Variants in WDR12 observed in about 807,000 individuals in gnomAD.
The protein encoded by WDR12 is ribosome biogenesis protein WDR12.
A neutral mutation model predicts 64.3 loss-of-function variants in WDR12; 42 were observed. The observed-to-expected ratio is 0.65, with a 90% CI of 0.51 to 0.84. The LOEUF (loss-of-function observed/expected upper bound fraction) is 0.84. Among genes scored for constraint, WDR12 ranks in the 40% least tolerant of loss-of-function variants. The pLI is 0.00. For missense variants in WDR12, 469 were observed against 494.6 expected, an observed-to-expected ratio of 0.95 and a Z score of 0.49; for synonymous variants, 158 against 173.3, an observed-to-expected ratio of 0.91 and a Z score of 0.70.
chr2:202,901,024 C>A lies in WDR12; in HGVS notation c.231+1G>T. The stretch of plus-strand genomic sequence containing the variant: ...TACAGAAGATAAGAATTTGAACTTA[C>A]TGATGAGATGTTCTCCATTTCCATG... On this transcript the variant is annotated splice_donor_variant, in intron 3 of 12. Coordinates refer to ENST00000261015, the MANE Select transcript of WDR12 (RefSeq NM_018256.4). LOFTEE classifies it high-confidence loss of function. 1 of 1,579,500 alleles carries A rather than the reference C, an allele frequency of 6.3e-7. No homozygotes were observed. Among genetic ancestry groups the A allele is most frequent in the Non-Finnish European group, 8.6e-7 (1 of 1,156,732 alleles).
At chr2:202,899,080 T>C (rs1688303770) in intron 4 of WDR12, among the ~76,000 whole-genome samples, 1 of 127,946 alleles carries the variant, frequency 7.8e-6, no homozygotes, top group African/African-American at 2.8e-5. Context: ...TCTCATTCTG[T>C]TGCCCAGGCT....
intron 7 of WDR12, among the ~76,000 whole-genome samples, 158 bp downstream of exon 7, chr2:202,894,423 T>C (rs919441456): frequency 6.6e-6 from 1 of 152,208 alleles, no homozygotes; most frequent in African/African-American, 2.4e-5. Flanking sequence ...GGTCTCACTA[T>C]GTGGCCTAGG....
At chr2:202,883,524 G>C in intron 11 of WDR12, 85 bp downstream of exon 11, 1 of 1,423,852 alleles carries the variant, frequency 7.0e-7, no homozygotes, top group Non-Finnish European at 9.4e-7. Context: ...TACTCTTCTG[G>C]TTTTAGATAA....
At chr2:202,904,371 C>A (rs970272693) in intron 2 of WDR12, among the ~76,000 whole-genome samples, 3 of 151,538 alleles carry the variant, frequency 2.0e-5, no homozygotes, top group Non-Finnish European at 4.4e-5. Context: ...CACAAAAGAA[C>A]CAGAATAGCC....
chr2:202,903,375 C>A (rs1034687178), intron 2 of WDR12, among the ~76,000 whole-genome samples: 2 of 151,842 alleles, frequency 1.3e-5, no homozygotes, highest in East Asian at 3.9e-4. Flanking sequence ...ACATCTGGAA[C>A]ATGATAAGGA....
chr2:202,895,700 T>C (rs1178269986), intron 6 of WDR12, among the ~76,000 whole-genome samples: 1 of 149,956 alleles, frequency 6.7e-6, no homozygotes, highest in Non-Finnish European at 1.5e-5. Context: ...TTTTTTTTTT[T>C]TTTTTTTTTA....
intron 2 of WDR12, among the ~76,000 whole-genome samples, chr2:202,907,140 G>T (rs1173360608): frequency 6.6e-6 from 1 of 151,940 alleles, no homozygotes; most frequent in Admixed American, 6.6e-5. Flanking sequence ...GTAGAGACGG[G>T]GTTTCACCAT....
chr2:202,901,976 G>GAT (rs1324115678), intron 2 of WDR12, among the ~76,000 whole-genome samples: 1 of 152,084 alleles, frequency 6.6e-6, no homozygotes, highest in African/African-American at 2.4e-5. Flanking sequence ...ATAGGGCTTG[G>GAT]ATTATATCAG....
chr2:202,897,489 C>CA, intron 4 of WDR12, 74 bp from the exon 5 acceptor site: 2 of 765,752 alleles, frequency 2.6e-6, no homozygotes, highest in East Asian at 5.7e-5. Flanking sequence ...TTGGCAATGA[C>CA]AAAGTAACTT....
chr2:202,896,023 A>G (rs947812935), intron 6 of WDR12, 42 bp downstream of exon 6: 7 of 1,586,532 alleles, frequency 4.4e-6, no homozygotes, highest in Non-Finnish European at 6.0e-6. Flanking sequence ...ACAAGCTCAA[A>G]TTCAAATTTA....
intron 4 of WDR12, among the ~76,000 whole-genome samples, chr2:202,899,009 G>A (rs1559162585): frequency 7.5e-6 from 1 of 133,920 alleles, no homozygotes; most frequent in African/African-American, 2.8e-5. Context: ...CAGAAAAAGA[G>A]TACCTATTAA....
chr2:202,892,912 A>G (rs1296545112), intron 7 of WDR12, among the ~76,000 whole-genome samples: 1 of 152,168 alleles, frequency 6.6e-6, no homozygotes, highest in African/African-American at 2.4e-5. Flanking sequence ...AACATAAACT[A>G]TATTAGAAAA....
In WDR12 at chr2:202,879,775, A is replaced by G. The variant is rs1051949667; in HGVS notation, c.*1085T>C. 1 of 145,320 alleles carries G rather than the reference A, an allele frequency of 6.9e-6. No individual in the cohort carries two copies. Among genetic ancestry groups the G allele is most frequent in the Non-Finnish European group, 1.5e-5 (1 of 66,050 alleles). The allele number at this position is 145,320 out of a possible 1,614,324, so 9.0% of individuals were successfully genotyped here. ...CGTTGTTGTTGAGACAGAGTCTTGC[A>G]CTGTCACCCAGGCTGGAGTGCAGTG... On this transcript the variant is annotated 3_prime_UTR_variant, in exon 13 of 13. Coordinates refer to ENST00000261015, the MANE Select transcript of WDR12 (RefSeq NM_018256.4).
chr2:202,907,138 G>A lies in WDR12; in HGVS notation c.136+727C>T, dbSNP rs147925312. Among the ~76,000 whole-genome samples the A allele has an allele frequency of 9.8e-3, 1,490 of 152,044 alleles. 16 individuals are homozygous for A. The highest frequency in any genetic ancestry group is 0.034 in the African/African-American group (1,406 of 41,480). ...TGATTTTTGTATTTTTAGTAGAGAC[G>A]GGGTTTCACCATGTTGGTCAGGCTG... On this transcript the variant is annotated intron_variant, in intron 2 of 12. Coordinates refer to ENST00000261015, the MANE Select transcript of WDR12 (RefSeq NM_018256.4).
intron 8 of WDR12, among the ~76,000 whole-genome samples, chr2:202,885,249 C>T (rs189387586): frequency 1.4e-4 from 22 of 152,328 alleles, no homozygotes; most frequent in African/African-American, 4.1e-4. Context: ...CACAATGGAT[C>T]CTCGGCTTCT....
Position 202,897,291 on chromosome 2 carries a change from T to C in WDR12, c.454+9A>G, listed in dbSNP as rs776740455. On this transcript the variant is annotated intron_variant, in intron 5 of 12. Transcript: ENST00000261015. ...AGGATTCCTCTAAGTGTAGGCAAAC[T>C]GTCCTAACCTTTTTTCACCCAGGCC... 5.1e-6 allele frequency: 8 copies of C among 1,578,416 alleles called. No homozygotes were observed. The highest frequency in any genetic ancestry group is 1.4e-5 in the African/African-American group (1 of 73,212).
Position 202,876,330 on chromosome 2 carries a change from G to A in WDR12, c.*4530C>T, listed in dbSNP as rs935048479. ...TCCCTTGAACCCAGGAGTTGAGCCT[G>A]GATGGCAGAGCTAGACTATGTCTCG... On this transcript the variant is annotated 3_prime_UTR_variant, in exon 13 of 13. Coordinates refer to ENST00000261015, the MANE Select transcript of WDR12 (RefSeq NM_018256.4). 9.2e-5 allele frequency: 14 copies of A among 152,152 alleles called. No individual in the cohort carries two copies. Among genetic ancestry groups the A allele is most frequent in the Non-Finnish European group, 7.3e-5 (5 of 68,050 alleles). 9.4% of individuals were successfully genotyped at this position (152,152 alleles called of 1,614,324 possible).
At chr2:202,887,749 G>A (rs368948808) in intron 8 of WDR12, among the ~76,000 whole-genome samples, 26 of 151,378 alleles carry the variant, frequency 1.7e-4, no homozygotes, top group Middle Eastern at 3.5e-3. Context: ...TTAGCCGGGC[G>A]CGGTGGCGGG....
Position 202,874,682 on chromosome 2 carries a change from C to T in WDR12, c.*6178G>A, listed in dbSNP as rs1025473443. The T allele has an allele frequency of 1.3e-5, 2 of 152,134 alleles. No homozygotes were observed. Among genetic ancestry groups the T allele is most frequent in the Admixed American group, 6.6e-5 (1 of 15,258 alleles). 9.4% of individuals were successfully genotyped at this position (152,134 alleles called of 1,614,324 possible). A position where few individuals can be genotyped will look rare whatever the true frequency, so the allele number is the denominator to read the frequency against. ...GTAATCTGTTGGATTTTACCGAAGA[C>T]GTCAGGAGAAGCATTATAGGTCAGT... On this transcript the variant is annotated 3_prime_UTR_variant, in exon 13 of 13. Transcript: ENST00000261015.
Sources: allele counts gnomAD v4.1 joint callset (sites outside exome capture counted in the v4.1 genomes callset), GRCh38; gene constraint gnomAD v4.1.1; transcripts MANE v1.5; gene names NCBI Gene and HGNC (gene_info 2026-07-23, HGNC 2026-07-21).